CD81: variants seen among roughly 807,000 people sequenced by gnomAD.
CD81 encodes CD81 molecule.
A neutral mutation model predicts 30.1 loss-of-function variants in CD81; 10 were observed. The observed-to-expected ratio is 0.33, with a 90% CI of 0.21 to 0.56. CD81 has a LOEUF of 0.56. CD81 is among the 20% of genes least tolerant of loss of function. The probability of loss-of-function intolerance (pLI) is 0.89; values close to 1 mark genes in which losing one functional copy is unlikely to be tolerated. For missense variants in CD81, 263 were observed against 308.7 expected (o/e 0.85, Z 1.11); for synonymous variants, 147 against 126.4 (o/e 1.16, Z -1.10).
At chr11:2,396,346 GTGATGCTTTAGGGGTC>G (rs1850001933) in intron 6 of CD81, 5 of 584,974 alleles carry the variant, frequency 8.5e-6, no homozygotes, top group Non-Finnish European at 1.5e-5. Context: ...GTCGTCATCA[GTGATGCTTTAGGGGTC>G]TAGTGACACC....
chr11:2,382,844 C>T (rs1849726659), intron 1 of CD81, among the ~76,000 whole-genome samples: 1 of 152,226 alleles, frequency 6.6e-6, no homozygotes. Flanking sequence ...AGTCCTGATC[C>T]TGGAGCTCCT....
intron 1 of CD81, among the ~76,000 whole-genome samples, chr11:2,381,019 CCGTCCTT>C (rs1849696108): frequency 6.6e-6 from 1 of 152,226 alleles, no homozygotes; most frequent in African/African-American, 2.4e-5. Flanking sequence ...ACGTCTTTCG[CCGTCCTT>C]CCGGGAGAGG....
intron 6 of CD81, chr11:2,396,201 G>T: frequency 1.6e-6 from 1 of 607,924 alleles, no homozygotes; most frequent in South Asian, 1.8e-5. Context: ...GAGGCTCTGG[G>T]GGGTGGGAAC....
chr11:2,390,505 G>A lies in CD81; in HGVS notation c.160G>A (p.Ala54Thr). The A allele has an allele frequency of 6.2e-6, 10 of 1,612,554 alleles. No homozygotes were observed. Among genetic ancestry groups the A allele is most frequent in the South Asian group, 1.1e-5 (1 of 91,078 alleles). ...GTATCTGGAGCTGGGAGACAAGCCC[G>A]CGCCCAACACCTTCTATGTAGGTGA... ...LLYLELGDKP[A>T]PNTFYVGIYI... Residue 54 changes from alanine (A) to threonine (T), a missense_variant, in exon 2 of 8, where the codon GCG becomes ACG. Ala to Thr is a moderately conservative substitution (Grantham distance 58). This residue lies in a region of CD81 where 84 missense variants were observed against 98.2 expected (regional missense o/e 0.86). Transcript: ENST00000263645.
At chr11:2,376,280 G>C (rs1488664846), upstream of CD81, 2 of 152,284 alleles carry the variant, frequency 1.3e-5, no homozygotes, top group African/African-American at 4.8e-5. Flanking sequence ...CTATCAGCTA[G>C]CACTGGGTTG....
chr11:2,382,609 G>C (rs1454235492), intron 1 of CD81: 1 of 152,272 alleles, frequency 6.6e-6, no homozygotes, highest in African/African-American at 2.4e-5. Context: ...GCCCTGTGCT[G>C]TTACATGGAG....
At chr11:2,379,046 G>A (rs1589844051) in intron 1 of CD81, 1 of 423,926 alleles carries the variant, frequency 2.4e-6, no homozygotes, top group East Asian at 7.2e-5. Flanking sequence ...CCCTGGCAGT[G>A]GGGGCAGCTA....
chr11:2,378,903 G>T lies in CD81; in HGVS notation c.66+1288G>T, dbSNP rs1403913887. 6.6e-6 allele frequency among the ~76,000 whole-genome samples: 1 copy of T among 152,232 alleles called. No individual in the cohort carries two copies. The highest frequency in any genetic ancestry group is 1.5e-5 in the Non-Finnish European group (1 of 68,038). On this transcript the variant is annotated intron_variant, in intron 1 of 7. Coordinates refer to ENST00000263645, the MANE Select transcript of CD81 (RefSeq NM_004356.4). This position sits in a 1 kb window ranked among gnomAD's most constrained non-coding sequence, Gnocchi z 4.9. ...CCAGTGCGGATGATTATTTGGAGGG[G>T]GAAGGACGGAGGCTGAACTGAACTC...
intron 1 of CD81, among the ~76,000 whole-genome samples, chr11:2,380,753 T>C (rs1165589771): frequency 6.6e-6 from 1 of 152,162 alleles, no homozygotes; most frequent in Non-Finnish European, 1.5e-5. Flanking sequence ...GTGGGAGCCT[T>C]GCCTTCCTCA....
intron 1 of CD81, chr11:2,386,455 C>T: frequency 2.9e-6 from 2 of 687,684 alleles, no homozygotes; most frequent in Non-Finnish European, 5.4e-6. Flanking sequence ...TTTGGTGCTG[C>T]CATTGCCCTC....
At position 2,385,939 on chromosome 11, in the gene CD81, TGTG is replaced by T. The variant is rs1439890666; in HGVS notation, c.67-4469_67-4467del. On this transcript the variant is annotated intron_variant, in intron 1 of 7. Transcript: ENST00000263645. ...ACCTGTGCGTGGAGCAGCTGGGTCA[TGTG>T]GTGAATGTGGGTTTCACTGCTTAAG... 1.3e-5 allele frequency: 9 copies of T among 677,812 alleles called. No homozygotes were observed. The Admixed American group carries it at 1.5e-4, about 11-fold the overall frequency. 42.0% of individuals were successfully genotyped at this position (677,812 alleles called of 1,614,324 possible).
upstream of CD81, chr11:2,376,748 G>A (rs986127926): frequency 6.6e-6 from 1 of 152,298 alleles, no homozygotes; most frequent in East Asian, 1.9e-4. Context: ...CTCCCCTTCC[G>A]TGAGACAGGG....
chr11:2,390,947 A>T (rs1222148199), intron 2 of CD81: 1 of 115,736 alleles, frequency 8.6e-6, no homozygotes, highest in Non-Finnish European at 1.7e-5. Context: ...GGGGCAGGGG[A>T]GGGGTGGAGA....
rs78873925 is a variant in CD81, at chr11:2,380,001, C to T, written c.66+2386C>T. The stretch of plus-strand genomic sequence containing the variant: ...AACACACTGCTCTGGTCCTGGGCCT[C>T]GGCCTTCCCCGTCTGCAGTGGGGGC... On this transcript the variant is annotated intron_variant, in intron 1 of 7. Coordinates refer to ENST00000263645, the MANE Select transcript of CD81 (RefSeq NM_004356.4). Among the ~76,000 whole-genome samples, 226 of 152,280 alleles carry T rather than the reference C, an allele frequency of 1.5e-3. 1 individual carries two copies. The highest frequency in any genetic ancestry group is 5.3e-3 in the African/African-American group (221 of 41,544).
intron 1 of CD81, chr11:2,386,066 G>A: frequency 1.4e-6 from 1 of 717,380 alleles, no homozygotes; most frequent in South Asian, 1.5e-5. Flanking sequence ...AGCAGCATGT[G>A]GTGTGGTTGG....
rs771242681 is a variant in CD81, at chr11:2,385,849, G to A, written c.67-4563G>A. 8.1e-5 allele frequency: 45 copies of A among 553,230 alleles called. 1 individual carries two copies. The highest frequency in any genetic ancestry group is 7.3e-4 in the South Asian group (44 of 60,686). 34.3% of individuals were successfully genotyped at this position (553,230 alleles called of 1,614,324 possible). A position where few individuals can be genotyped will look rare whatever the true frequency, so the allele number is the denominator to read the frequency against. Reference sequence around the variant, plus strand: ...TTGTTTCAGTTTGGGGCATTTACAAGAAACGTGCTAGAACATTTGTGTACA... The same window carrying A: ...TTGTTTCAGTTTGGGGCATTTACAAAAAACGTGCTAGAACATTTGTGTACA... On this transcript the variant is annotated intron_variant, in intron 1 of 7. Coordinates refer to ENST00000263645, the MANE Select transcript of CD81 (RefSeq NM_004356.4).
At chr11:2,386,361 ACT>A in intron 1 of CD81, 1 of 619,140 alleles carries the variant, frequency 1.6e-6, no homozygotes, top group Middle Eastern at 3.8e-4. Flanking sequence ...CGCATTCCTG[ACT>A]CTGGGGAACC....
intron 1 of CD81, chr11:2,386,305 C>T: frequency 1.6e-6 from 1 of 636,068 alleles, no homozygotes; most frequent in Admixed American, 2.4e-5. Flanking sequence ...GGGCACAGGT[C>T]CTTTACCAGG....
intron 1 of CD81, among the ~76,000 whole-genome samples, chr11:2,388,944 T>C (rs529392235): frequency 6.6e-6 from 1 of 152,216 alleles, no homozygotes; most frequent in East Asian, 1.9e-4. Context: ...GATCCCTGCC[T>C]GAGGGCTGTG....
Sources: gnomAD v4.1 joint callset for allele counts (sites outside exome capture counted in the v4.1 genomes callset) on GRCh38, gnomAD v4.1.1 for gene constraint, gnomAD v4.1.1 regional missense constraint, Gnocchi (gnomAD v3.1) non-coding constraint, MANE v1.5 for transcripts, NCBI Gene and HGNC (gene_info 2026-07-23, HGNC 2026-07-21) for gene names.